The following EXOC4 variants were observed in gnomAD, a reference collection of about 807,000 sequenced individuals.
EXOC4 encodes SEC8-like 1.
A neutral mutation model predicts 107.2 loss-of-function variants in EXOC4; 71 were observed. The ratio of observed to expected loss-of-function variants is 0.66; its 90% CI spans 0.55 to 0.81. The LOEUF (loss-of-function observed/expected upper bound fraction) is 0.81. Among genes scored for constraint, EXOC4 ranks in the 30% least tolerant of loss-of-function variants. EXOC4 has a pLI of 0.00. For missense variants in EXOC4, 1,108 were observed against 1,189.6 expected, an observed-to-expected ratio of 0.93 and a Z score of 1.01; for synonymous variants, 456 against 441.2, an observed-to-expected ratio of 1.03 and a Z score of -0.42.
At chr7:133,873,862 C>T (rs1486630120) in intron 11 of EXOC4, among the ~76,000 whole-genome samples, 1 of 152,180 alleles carries the variant, frequency 6.6e-6, no homozygotes, top group Non-Finnish European at 1.5e-5. Flanking sequence ...TAACCACTAA[C>T]TGTTCTTGGA....
intron 8 of EXOC4, 103 bp downstream of exon 8, chr7:133,475,576 T>C: frequency 2.0e-6 from 2 of 1,021,848 alleles, no homozygotes; most frequent in Non-Finnish European, 2.9e-6. Flanking sequence ...CTTAAGTTGA[T>C]TGAAGTAATT....
At chr7:133,677,803 T>TTC (rs966762743) in intron 10 of EXOC4, among the ~76,000 whole-genome samples, 15 of 151,658 alleles carry the variant, frequency 9.9e-5, no homozygotes, top group African/African-American at 3.6e-4. Flanking sequence ...TTTGAGGGCT[T>TTC]TTTTTGTATT....
intron 9 of EXOC4, among the ~76,000 whole-genome samples, chr7:133,483,176 T>C (rs984188880): frequency 1.1e-4 from 16 of 152,210 alleles, no homozygotes; most frequent in African/African-American, 3.9e-4. Flanking sequence ...TAAATACTGG[T>C]TGACTTAGTG....
chr7:133,934,982 C>G (rs1800265336), intron 13 of EXOC4, among the ~76,000 whole-genome samples: 1 of 151,056 alleles, frequency 6.6e-6, no homozygotes, highest in South Asian at 2.1e-4. Flanking sequence ...CTAGAAATTG[C>G]ATTTAGCAGC....
intron 14 of EXOC4, among the ~76,000 whole-genome samples, chr7:133,940,717 A>G (rs1198754556): frequency 6.6e-6 from 1 of 152,170 alleles, no homozygotes; most frequent in African/African-American, 2.4e-5. Flanking sequence ...ATAATGGCTT[A>G]CTTTGATTGC....
intron 15 of EXOC4, among the ~76,000 whole-genome samples, chr7:134,004,256 G>T (rs542511410): frequency 1.5e-4 from 23 of 152,150 alleles, no homozygotes; most frequent in Non-Finnish European, 3.1e-4. Flanking sequence ...TATAAGACTA[G>T]TGATGACAGC....
chr7:134,027,656 C>CA (rs11408269), intron 17 of EXOC4, among the ~76,000 whole-genome samples: 97,673 of 124,654 alleles, frequency 0.78, 38,779 homozygotes, highest in African/African-American at 0.86. Flanking sequence ...GACTCCATCT[C>CA]AAAAAAAAAA....
intron 13 of EXOC4, among the ~76,000 whole-genome samples, chr7:133,936,156 G>A (rs1800294431): frequency 6.6e-6 from 1 of 152,124 alleles, no homozygotes; most frequent in Non-Finnish European, 1.5e-5. Flanking sequence ...CCTTTTCCAA[G>A]CCCCTCAGAT....
Position 133,922,675 on chromosome 7 carries a change from G to T in EXOC4, c.2027+4937G>T, listed in dbSNP as rs147008784. Among the ~76,000 whole-genome samples the T allele has an allele frequency of 2.0e-5, 3 of 152,038 alleles. No homozygotes were observed. In the East Asian group the frequency reaches 5.8e-4, roughly 30 times the overall value. ...ATCTTGCCTAACACGGTGAAACCCC[G>T]TCTCTACTAAAAATACAAAAAAATT... is the stretch of plus-strand genomic sequence containing the variant. On this transcript the variant is annotated intron_variant, in intron 13 of 17. Transcript: ENST00000253861.
At chr7:133,620,795 C>G (rs1802311596) in intron 9 of EXOC4, among the ~76,000 whole-genome samples, 1 of 152,122 alleles carries the variant, frequency 6.6e-6, no homozygotes, top group African/African-American at 2.4e-5. Context: ...TTAATAGATT[C>G]AAGATAATTA....
intron 14 of EXOC4, among the ~76,000 whole-genome samples, chr7:133,971,381 G>T (rs1157408614): frequency 7.9e-5 from 11 of 139,298 alleles, no homozygotes; most frequent in Middle Eastern, 3.4e-3. Flanking sequence ...GAGAGAGAGA[G>T]AGAGAGAGAG....
At chr7:133,666,822 T>G (rs1037134407) in intron 10 of EXOC4, among the ~76,000 whole-genome samples, 14 of 152,186 alleles carry the variant, frequency 9.2e-5, no homozygotes, top group Admixed American at 8.5e-4. Flanking sequence ...AAGATCCTAA[T>G]CAAAGATTTT....
At chr7:133,704,775 C>T (rs538534040) in intron 10 of EXOC4, among the ~76,000 whole-genome samples, 1 of 152,260 alleles carries the variant, frequency 6.6e-6, no homozygotes, top group South Asian at 2.1e-4. Flanking sequence ...CTGTGTTGTA[C>T]ACCTGAAGTT....
chr7:133,675,321 T>C (rs529909644), intron 10 of EXOC4, among the ~76,000 whole-genome samples: 1 of 152,294 alleles, frequency 6.6e-6, no homozygotes, highest in South Asian at 2.1e-4. Flanking sequence ...TTCTGTTTTA[T>C]GGTTGAAGTC....
chr7:133,950,159 T>C (rs1800657084), intron 14 of EXOC4, among the ~76,000 whole-genome samples: 1 of 152,184 alleles, frequency 6.6e-6, no homozygotes, highest in African/African-American at 2.4e-5. Flanking sequence ...TCAGAACTAT[T>C]ATATTATAGA....
chr7:133,857,487 C>A (rs570563412), intron 11 of EXOC4, among the ~76,000 whole-genome samples: 3 of 50,402 alleles, frequency 6.0e-5, no homozygotes. Flanking sequence ...CACTCATGCC[C>A]GTTGGGCTTG....
At chr7:133,576,461 A>T (rs529794474) in intron 9 of EXOC4, 308 of 1,261,960 alleles carry the variant, frequency 2.4e-4, no homozygotes, top group Non-Finnish European at 3.1e-4. Flanking sequence ...TATTTAACCC[A>T]TTTATAGAGG....
At chr7:133,923,903 G>A (rs1433795739) in intron 13 of EXOC4, among the ~76,000 whole-genome samples, 1 of 152,048 alleles carries the variant, frequency 6.6e-6, no homozygotes, top group East Asian at 1.9e-4. Flanking sequence ...TGATATAAAT[G>A]ATAAGCTTTT....
chr7:133,656,136 A>G (rs1803288923), intron 10 of EXOC4, among the ~76,000 whole-genome samples: 4 of 152,154 alleles, frequency 2.6e-5, no homozygotes, highest in African/African-American at 9.7e-5. Context: ...GCGTGACTGT[A>G]ATAGGATATA....
Sources: allele counts gnomAD v4.1 joint callset (sites outside exome capture counted in the v4.1 genomes callset), GRCh38; gene constraint gnomAD v4.1.1; transcripts MANE v1.5; gene names NCBI Gene and HGNC (gene_info 2026-07-23, HGNC 2026-07-21).